CEP112: variants seen among roughly 807,000 people sequenced by gnomAD.
CEP112 encodes centrosomal protein 112, also known as centrosomal protein of 112 kDa.
In CEP112, 127 loss-of-function variants were observed where a neutral mutation model predicts 153.0. That is an observed-to-expected ratio of 0.83 (90% confidence interval 0.72 to 0.96). The LOEUF is 0.96. Ranked by LOEUF, CEP112 falls within the 40% of genes least tolerant of loss-of-function variation. The probability of loss-of-function intolerance (pLI) is 0.00; values close to 1 mark genes in which losing one functional copy is unlikely to be tolerated. For synonymous variants in CEP112, 358 were observed against 374.4 expected, an observed-to-expected ratio of 0.96 and a Z score of 0.51; for missense variants, 1,089 against 1,101.2, an observed-to-expected ratio of 0.99 and a Z score of 0.16.
At chr17:66,022,498 G>A (rs2065036529) in intron 16 of CEP112, among the ~76,000 whole-genome samples, 1 of 151,964 alleles carries the variant, frequency 6.6e-6, no homozygotes, top group East Asian at 1.9e-4. Flanking sequence ...CACAAGGTCA[G>A]GAGATCAAGA....
At chr17:65,867,887 G>A (rs1176743334) in intron 20 of CEP112, among the ~76,000 whole-genome samples, 2 of 151,606 alleles carry the variant, frequency 1.3e-5, no homozygotes, top group African/African-American at 4.8e-5. Context: ...AACTTATGAA[G>A]TAAAGGGGGA....
intron 23 of CEP112, among the ~76,000 whole-genome samples, chr17:65,701,125 G>A (rs1009184010): frequency 6.6e-6 from 1 of 152,208 alleles, no homozygotes; most frequent in Non-Finnish European, 1.5e-5. Flanking sequence ...GTAGTATCAC[G>A]TGGGAGATGA....
chr17:66,025,440 A>G (rs548735005), intron 16 of CEP112, among the ~76,000 whole-genome samples: 1 of 152,232 alleles, frequency 6.6e-6, no homozygotes, highest in Non-Finnish European at 1.5e-5. Flanking sequence ...CAACAGCAAC[A>G]GCAACAAAAT....
rs553262661 is a variant in CEP112 at position 66,150,157 on chromosome 17, C to T, written c.471-17394G>A. On this transcript the variant is annotated intron_variant, in intron 4 of 26. Transcript: ENST00000535342. The stretch of plus-strand genomic sequence containing the variant: ...CCTCATGATCCGCCCACCTCGGCCT[C>T]CCAAAGTACTGGGATTACAGGCGTG... Among the ~76,000 whole-genome samples the T allele has an allele frequency of 2.0e-5, 3 of 149,958 alleles. 1 individual carries two copies. The highest frequency in any genetic ancestry group is 2.0e-4 in the Admixed American group (3 of 15,090).
At position 66,101,769 on chromosome 17, in the gene CEP112, T is replaced by A. The variant is rs111470289; in HGVS notation, c.643-5137A>T. Among the ~76,000 whole-genome samples, 1,161 of 152,088 alleles carry A rather than the reference T, an allele frequency of 7.6e-3. 16 individuals carry two copies. Among genetic ancestry groups the A allele is most frequent in the African/African-American group, 0.027 (1,103 of 41,504 alleles). Reference sequence around the variant, plus strand: ...CTGATTACTGTATAGTTTAAATACATGCTGGAAAAAAATGCTTTTTAAATA... The same window carrying A: ...CTGATTACTGTATAGTTTAAATACAAGCTGGAAAAAAATGCTTTTTAAATA... On this transcript the variant is annotated intron_variant, in intron 6 of 26. Transcript: ENST00000535342.
chr17:66,089,689 C>T (rs184671311), intron 8 of CEP112, among the ~76,000 whole-genome samples: 146 of 151,858 alleles, frequency 9.6e-4, no homozygotes, highest in African/African-American at 3.3e-3. Flanking sequence ...ACGTATGGGA[C>T]AGGATCAAAA....
intron 20 of CEP112, among the ~76,000 whole-genome samples, chr17:65,899,301 G>A (rs914003197): frequency 5.9e-5 from 9 of 151,686 alleles, no homozygotes; most frequent in African/African-American, 2.2e-4. Context: ...GTATGATGGT[G>A]GTAAAATTTA....
chr17:66,148,229 T>C (rs2071006840), intron 4 of CEP112, among the ~76,000 whole-genome samples: 1 of 152,154 alleles, frequency 6.6e-6, no homozygotes. Context: ...GTGAGACTTA[T>C]TTACTACCAC....
At chr17:65,685,100 C>A (rs993338884) in intron 24 of CEP112, among the ~76,000 whole-genome samples, 18 of 152,114 alleles carry the variant, frequency 1.2e-4, no homozygotes, top group Non-Finnish European at 2.9e-5. Context: ...ACCCTTTGTG[C>A]CCCACAATGA....
At chr17:65,918,096 CTT>C (rs1442683932) in intron 19 of CEP112, among the ~76,000 whole-genome samples, 1 of 150,452 alleles carries the variant, frequency 6.6e-6, no homozygotes, top group Non-Finnish European at 1.5e-5. Context: ...AGGAGAATTG[CTT>C]GAACCTGGGA....
chr17:65,789,771 T>C (rs1415191449), intron 21 of CEP112, among the ~76,000 whole-genome samples: 1 of 152,224 alleles, frequency 6.6e-6, no homozygotes, highest in African/African-American at 2.4e-5. Flanking sequence ...CTATACACAA[T>C]TATTTTATTG....
intron 12 of CEP112, among the ~76,000 whole-genome samples, chr17:66,050,433 A>T (rs2066391720): frequency 6.6e-6 from 1 of 152,180 alleles, no homozygotes; most frequent in Admixed American, 6.5e-5. Flanking sequence ...ACTGTGCCTG[A>T]AGTCTCCCAA....
intron 11 of CEP112, among the ~76,000 whole-genome samples, chr17:66,059,841 G>A (rs7215107): frequency 0.5 from 76,733 of 151,962 alleles, 20,332 homozygotes; most frequent in African/African-American, 0.58. Context: ...AAAGGCACAT[G>A]CGCTTGTATG....
rs2070239471 is a variant in CEP112, at chr17:66,132,636, GC to G, written c.564+33del. The G allele has an allele frequency of 3.4e-6, 5 of 1,466,590 alleles. No homozygotes were observed. In the African/African-American group the frequency reaches 6.9e-5, roughly 20 times the overall value. 90.8% of individuals were successfully genotyped at this position (1,466,590 alleles called of 1,614,324 possible). A position where few individuals can be genotyped will look rare whatever the true frequency, so the allele number is the denominator to read the frequency against. On this transcript the variant is annotated intron_variant, in intron 5 of 26. Transcript: ENST00000535342. ...TTGTTCAGCTATTTTAAAACAACAA[GC>G]AAAAACCAAACAAAAGTAAAATCTA...
At chr17:66,031,374 T>A (rs2145732230) in intron 12 of CEP112, among the ~76,000 whole-genome samples, 1 of 151,576 alleles carries the variant, frequency 6.6e-6, no homozygotes, top group South Asian at 2.1e-4. Context: ...TCCATACTAA[T>A]AAACCCTACA....
At chr17:65,750,951 C>A in intron 21 of CEP112, 1 of 450,898 alleles carries the variant, frequency 2.2e-6, no homozygotes, top group Non-Finnish European at 3.9e-6. Flanking sequence ...CATAAGACTT[C>A]TGTGGATAGA....
At chr17:65,665,747 A>G (rs1233537607) in intron 24 of CEP112, among the ~76,000 whole-genome samples, 1 of 152,172 alleles carries the variant, frequency 6.6e-6, no homozygotes, top group Non-Finnish European at 1.5e-5. Context: ...GAAGCAACAT[A>G]TTCTTCTTAT....
At chr17:66,037,840 A>G (rs942656785) in intron 12 of CEP112, among the ~76,000 whole-genome samples, 1 of 152,156 alleles carries the variant, frequency 6.6e-6, no homozygotes, top group Admixed American at 6.6e-5. Flanking sequence ...TCAAAAGACT[A>G]CTTCTCCTGA....
intron 21 of CEP112, among the ~76,000 whole-genome samples, chr17:65,825,875 T>A (rs901794641): frequency 6.6e-6 from 1 of 152,186 alleles, no homozygotes; most frequent in Non-Finnish European, 1.5e-5. Context: ...ACAATCTACC[T>A]CTTCCAGAAA....
Sources: allele counts gnomAD v4.1 joint callset (sites outside exome capture counted in the v4.1 genomes callset), GRCh38; gene constraint gnomAD v4.1.1; transcripts MANE v1.5; gene names NCBI Gene and HGNC (gene_info 2026-07-23, HGNC 2026-07-21).